FBXW8: variants seen among roughly 807,000 people sequenced by gnomAD.
The protein encoded by FBXW8 is F-box and WD repeat domain containing 8.
FBXW8 carries 57 observed loss-of-function variants against 65.3 expected under a neutral mutation model. The ratio of observed to expected loss-of-function variants is 0.87; its 90% CI spans 0.71 to 1.09. The LOEUF (loss-of-function observed/expected upper bound fraction) is 1.09, where lower values mean the gene tolerates loss of function less well. FBXW8 is among the 50% of genes least tolerant of loss of function. FBXW8 has a pLI of 0.00. For synonymous variants in FBXW8, 308 were observed against 330.2 expected (o/e 0.93, Z 0.73); for missense variants, 777 against 814.8 (o/e 0.95, Z 0.57).
chr12:116,949,289 G>GC (rs1883119281), intron 3 of FBXW8: 1 of 280,936 alleles, frequency 3.6e-6, no homozygotes, highest in Admixed American at 4.6e-5. Context: ...GCCACTCCCA[G>GC]CAGATACATG....
At chr12:116,969,120 C>G (rs548655003) in intron 5 of FBXW8, among the ~76,000 whole-genome samples, 2 of 152,248 alleles carry the variant, frequency 1.3e-5, no homozygotes, top group Non-Finnish European at 2.9e-5. Context: ...GCTTGTCAGT[C>G]TTGTCCTTTG....
rs189648464 is a variant in FBXW8, at chr12:116,972,461, T to C, written c.835+7607T>C. Reference sequence around the variant, plus strand: ...AGTAAGTATATTTGTGGAATGAATATATTTTTGTTTGAAAAGCAAAATGCA... The same window carrying C: ...AGTAAGTATATTTGTGGAATGAATACATTTTTGTTTGAAAAGCAAAATGCA... On this transcript the variant is annotated intron_variant, in intron 5 of 10. Transcript: ENST00000652555. 2.6e-5 allele frequency among the ~76,000 whole-genome samples: 4 copies of C among 152,358 alleles called. No individual in the cohort carries two copies. The East Asian group carries it at 7.7e-4, about 29-fold the overall frequency.
intron 1 of FBXW8, among the ~76,000 whole-genome samples, chr12:116,925,209 G>A (rs1043127493): frequency 3.9e-5 from 6 of 152,120 alleles, no homozygotes; most frequent in Non-Finnish European, 8.8e-5. Context: ...ACCCAGCCAT[G>A]GACTAGTCAT....
At position 116,953,729 on chromosome 12, in the gene FBXW8, C is replaced by T. The variant is rs569029738; in HGVS notation, c.677+4023C>T. On this transcript the variant is annotated intron_variant, in intron 4 of 10. Coordinates refer to ENST00000652555, the MANE Select transcript of FBXW8 (RefSeq NM_153348.3). ...TGGAGCTTGCAGTGAGCCAAGATCG[C>T]GCCACTGCACTCCAGCCTGGGCGAC... Among the ~76,000 whole-genome samples the T allele has an allele frequency of 1.4e-4, 21 of 150,804 alleles. 1 individual carries two copies. Among genetic ancestry groups the T allele is most frequent in the Admixed American group, 1.1e-3 (17 of 15,148 alleles).
intron 1 of FBXW8, among the ~76,000 whole-genome samples, chr12:116,911,743 GAAGGCTACCT>G (rs1481711127): frequency 1.3e-5 from 2 of 152,156 alleles, no homozygotes; most frequent in Admixed American, 1.3e-4. Flanking sequence ...TCCTGCTCTT[GAAGGCTACCT>G]AAACTTTGAA....
chr12:116,919,641 T>A (rs1880724804), intron 1 of FBXW8, among the ~76,000 whole-genome samples: 1 of 152,248 alleles, frequency 6.6e-6, no homozygotes, highest in Non-Finnish European at 1.5e-5. Context: ...TGCCTTACTG[T>A]TCTAACTCCA....
At chr12:116,956,687 G>A (rs1482792875) in intron 4 of FBXW8, among the ~76,000 whole-genome samples, 5 of 152,290 alleles carry the variant, frequency 3.3e-5, no homozygotes, top group Admixed American at 1.3e-4. Flanking sequence ...TTTTAAACAG[G>A]GCAGGCACAG....
chr12:116,949,367 G>T, intron 3 of FBXW8: 1 of 505,170 alleles, frequency 2.0e-6, no homozygotes, highest in Non-Finnish European at 3.6e-6. Flanking sequence ...CCTCCTGGAG[G>T]ATGGGGCAAT....
In FBXW8 at chr12:116,988,810, T is replaced by G; in HGVS notation, c.1180T>G (p.Ser394Ala). ...CCCGCCTGTCACATGTCTAGACGTC[T>G]CGGCCAACCAAGTTGCTTTTGGTGT... is the stretch of plus-strand genomic sequence containing the variant. ...HGPPVTCLDV[S>A]ANQVAFGVQG... The change falls in exon 7 of 11, where the codon TCG becomes GCG. Residue 394 changes from serine to alanine, a missense_variant. Coordinates refer to ENST00000652555, the MANE Select transcript of FBXW8 (RefSeq NM_153348.3). 6.2e-7 allele frequency: 1 copy of G among 1,614,144 alleles called. No individual in the cohort carries two copies. Among genetic ancestry groups the G allele is most frequent in the Non-Finnish European group, 8.5e-7 (1 of 1,180,032 alleles).
chr12:116,964,988 C>A, intron 5 of FBXW8, 134 bp downstream of exon 5: 1 of 854,900 alleles, frequency 1.2e-6, no homozygotes, highest in Non-Finnish European at 1.7e-6. Flanking sequence ...CACACATACA[C>A]TCACTCTTGC....
chr12:117,003,496 G>A (rs1953593709), intron 7 of FBXW8, among the ~76,000 whole-genome samples: 2 of 152,204 alleles, frequency 1.3e-5, no homozygotes, highest in South Asian at 2.1e-4. Context: ...TGTTTTTGCA[G>A]ACAGCATCTG....
At chr12:116,999,485 T>C (rs1460986888) in intron 7 of FBXW8, among the ~76,000 whole-genome samples, 1 of 152,188 alleles carries the variant, frequency 6.6e-6, no homozygotes, top group African/African-American at 2.4e-5. Context: ...TGATCACAAG[T>C]TTTAAAAGTA....
rs568895085 is a variant in FBXW8, at chr12:117,030,431, C to T, written c.*2259C>T. 4 of 152,172 alleles carry T rather than the reference C, an allele frequency of 2.6e-5. No homozygotes were observed. The allele number at this position is 152,172 out of a possible 1,614,324, so 9.4% of individuals were successfully genotyped here. ...TGGTCAGACTGCTCGCTGGTGGCCT[C>T]GCTTTAGAAGGTTTTCATCAAGCCC... is the stretch of plus-strand genomic sequence containing the variant. On this transcript the variant is annotated 3_prime_UTR_variant, in exon 11 of 11. Coordinates refer to ENST00000652555, the MANE Select transcript of FBXW8 (RefSeq NM_153348.3).
intron 5 of FBXW8, among the ~76,000 whole-genome samples, chr12:116,984,718 C>T (rs891364554): frequency 2.6e-5 from 4 of 152,194 alleles, no homozygotes; most frequent in African/African-American, 4.8e-5. Flanking sequence ...AGACCAGGTA[C>T]GTTGGCTCAC....
At chr12:117,014,742 G>A (rs1953907020) in intron 8 of FBXW8, among the ~76,000 whole-genome samples, 1 of 152,188 alleles carries the variant, frequency 6.6e-6, no homozygotes, top group Non-Finnish European at 1.5e-5. Flanking sequence ...CACATGGGTT[G>A]GCAGTGGTTC....
chr12:117,003,243 C>T (rs1387893227), intron 7 of FBXW8: 2 of 152,216 alleles, frequency 1.3e-5, no homozygotes, highest in African/African-American at 4.8e-5. Flanking sequence ...TACACGCAGA[C>T]ATGTACAGTG....
At chr12:116,984,369 G>A (rs1885524488) in intron 5 of FBXW8, among the ~76,000 whole-genome samples, 1 of 152,172 alleles carries the variant, frequency 6.6e-6, no homozygotes, top group Admixed American at 6.5e-5. Flanking sequence ...TGGCCAGTGT[G>A]TGAAAGAGGA....
intron 1 of FBXW8, among the ~76,000 whole-genome samples, chr12:116,913,386 A>C (rs1466535344): frequency 6.6e-6 from 1 of 151,930 alleles, no homozygotes; most frequent in Admixed American, 6.6e-5. Flanking sequence ...ATAACTTTTG[A>C]CTCTCCCAAA....
Position 117,031,120 on chromosome 12 carries a change from T to C in FBXW8, c.*2948T>C, listed in dbSNP as rs1592981742. On this transcript the variant is annotated 3_prime_UTR_variant, in exon 11 of 11. Coordinates refer to ENST00000652555, the MANE Select transcript of FBXW8 (RefSeq NM_153348.3). ...GCTTTCTGCTTTATGATGTCCGTAG[T>C]TGTTCTAATATTAAATGCTTTGAAT... 1 of 152,206 alleles carries C rather than the reference T, an allele frequency of 6.6e-6. No individual in the cohort carries two copies. The highest frequency in any genetic ancestry group is 2.4e-5 in the African/African-American group (1 of 41,452). The allele number at this position is 152,206 out of a possible 1,614,324, so 9.4% of individuals were successfully genotyped here.
Sources: allele counts gnomAD v4.1 joint callset (sites outside exome capture counted in the v4.1 genomes callset), GRCh38; gene constraint gnomAD v4.1.1; transcripts MANE v1.5; gene names NCBI Gene and HGNC (gene_info 2026-07-23, HGNC 2026-07-21).